Variants in VPS8 observed in about 807,000 individuals in gnomAD.
VPS8 encodes VPS8 subunit of CORVET complex.
VPS8 carries 129 observed loss-of-function variants against 216.4 expected under a neutral mutation model. The observed-to-expected ratio is 0.60, with a 90% CI of 0.52 to 0.69. The LOEUF is 0.69. Ranked by LOEUF, VPS8 falls within the 30% of genes least tolerant of loss-of-function variation. The pLI, the probability that VPS8 is intolerant of heterozygous loss-of-function variation, is 0.00. For synonymous variants in VPS8, 571 were observed against 565.4 expected (o/e 1.01, Z -0.14); for missense variants, 1,531 against 1,683.5 (o/e 0.91, Z 1.59).
chr3:184,922,948 C>CAT (rs146176585), intron 29 of VPS8, among the ~76,000 whole-genome samples: 4,718 of 151,666 alleles, frequency 0.031, 253 homozygotes, highest in African/African-American at 0.11. Context: ...AGGGAATTCT[C>CAT]ATATATATAT....
chr3:184,868,144 ATTTGG>A, intron 18 of VPS8, 85 bp downstream of exon 18: 3 of 1,421,270 alleles, frequency 2.1e-6, no homozygotes, highest in Admixed American at 1.8e-5. Flanking sequence ...GAAGAAGATT[ATTTGG>A]TAAGCTTCTT....
Position 184,832,794 on chromosome 3 carries a change from A to G in VPS8, c.328A>G (p.Ser110Gly). ...YDTSSVASSD[S>G]GDRTNLKRKK... ...TACTTCATCTGTGGCAAGCTCAGAT[A>G]GTGGTGACAGGACCAACTTAAAAAG... Residue 110 changes from serine (S) to glycine (G), a missense_variant, in exon 4 of 48, where the codon AGT becomes GGT. Coordinates refer to ENST00000625842, the MANE Select transcript of VPS8 (RefSeq NM_001009921.3). 6.2e-7 allele frequency: 1 copy of G among 1,610,074 alleles called. No homozygotes were observed. Among genetic ancestry groups the G allele is most frequent in the Non-Finnish European group, 8.5e-7 (1 of 1,177,904 alleles).
intron 46 of VPS8, among the ~76,000 whole-genome samples, chr3:185,031,357 C>T (rs1758144972): frequency 6.6e-6 from 1 of 151,990 alleles, no homozygotes; most frequent in Non-Finnish European, 1.5e-5. Flanking sequence ...AAATGATAGC[C>T]CTTGATCGAT....
At chr3:184,991,581 C>T (rs372751512) in intron 42 of VPS8, among the ~76,000 whole-genome samples, 1 of 152,070 alleles carries the variant, frequency 6.6e-6, no homozygotes, top group African/African-American at 2.4e-5. Context: ...TTCTCCAAAC[C>T]ACCCTTGTCG....
At chr3:184,839,970 A>G (rs1462190445) in intron 7 of VPS8, 7 of 1,218,682 alleles carry the variant, frequency 5.7e-6, no homozygotes, top group Non-Finnish European at 7.4e-6. Context: ...ATGAATTTAT[A>G]AGCTATCATA....
intron 34 of VPS8, among the ~76,000 whole-genome samples, chr3:184,935,912 A>T (rs1481062691): frequency 6.6e-6 from 1 of 152,196 alleles, no homozygotes; most frequent in African/African-American, 2.4e-5. Flanking sequence ...CTCCAGGGTG[A>T]AATGCATTGA....
rs139886169 is a variant in VPS8 at position 185,017,887 on chromosome 3, A to C, written c.4003-6449A>C. Among the ~76,000 whole-genome samples the C allele has an allele frequency of 8.2e-3, 1,231 of 150,688 alleles. 27 individuals carry two copies. The highest frequency in any genetic ancestry group is 0.028 in the African/African-American group (1,138 of 40,060). ...AGGTTCCCATCTTTATCAAACTTAG[A>C]GTGACACTGATTAGCCCAGTGTTTT... On this transcript the variant is annotated intron_variant, in intron 45 of 47. Coordinates refer to ENST00000625842, the MANE Select transcript of VPS8 (RefSeq NM_001009921.3).
intron 46 of VPS8, among the ~76,000 whole-genome samples, chr3:185,029,607 C>T (rs371653422): frequency 1.1e-4 from 16 of 151,702 alleles, no homozygotes; most frequent in South Asian, 4.2e-4. Flanking sequence ...CTCTGTTGCC[C>T]GGCTTGGAGT....
At chr3:184,870,260 G>A (rs2108775421) in intron 20 of VPS8, among the ~76,000 whole-genome samples, 1 of 152,224 alleles carries the variant, frequency 6.6e-6, no homozygotes, top group East Asian at 1.9e-4. Context: ...ACTCTAGACT[G>A]GGCTGAATTA....
At chr3:184,969,946 G>A (rs973116459) in intron 39 of VPS8, among the ~76,000 whole-genome samples, 7 of 117,612 alleles carry the variant, frequency 6.0e-5, no homozygotes, top group South Asian at 2.7e-4. Flanking sequence ...GTCTCACTCC[G>A]TTGCCCAGGC....
chr3:185,020,123 A>G (rs62289501), intron 45 of VPS8, among the ~76,000 whole-genome samples: 6,432 of 152,330 alleles, frequency 0.042, 181 homozygotes, highest in Non-Finnish European at 0.062. Context: ...TGTGTGCCAA[A>G]TATTATATAT....
intron 45 of VPS8, among the ~76,000 whole-genome samples, chr3:185,003,644 G>C (rs1417470479): frequency 6.6e-6 from 1 of 152,050 alleles, no homozygotes; most frequent in Admixed American, 6.6e-5. Flanking sequence ...TTGTCATCAT[G>C]GCCCGTTCTC....
In VPS8 at chr3:185,004,236, G is replaced by A. The variant is rs543388740; in HGVS notation, c.4002+4375G>A. 5.9e-5 allele frequency among the ~76,000 whole-genome samples: 9 copies of A among 152,366 alleles called. No homozygotes were observed. In the East Asian group the frequency reaches 7.7e-4, roughly 13 times the overall value. On this transcript the variant is annotated intron_variant, in intron 45 of 47. Transcript: ENST00000625842. Reference sequence around the variant, plus strand: ...ACTCCGTCTGCAATCCCGGCACCCCGGGAGGCCGAGGCTGGCGGATCACTC... The same window carrying A: ...ACTCCGTCTGCAATCCCGGCACCCCAGGAGGCCGAGGCTGGCGGATCACTC...
At chr3:184,817,269 G>A (rs1716531038) in intron 1 of VPS8, 1 of 147,128 alleles carries the variant, frequency 6.8e-6, no homozygotes, top group South Asian at 2.3e-4. Flanking sequence ...AGGGAGGGAG[G>A]GAGGGAGGAA....
At chr3:185,005,221 C>T (rs896191452) in intron 45 of VPS8, among the ~76,000 whole-genome samples, 5 of 152,144 alleles carry the variant, frequency 3.3e-5, no homozygotes, top group African/African-American at 9.7e-5. Flanking sequence ...CTGCTCTGTT[C>T]CATTGGTCTA....
At chr3:184,993,106 GA>G (rs914082803) in intron 42 of VPS8, among the ~76,000 whole-genome samples, 2 of 148,982 alleles carry the variant, frequency 1.3e-5, no homozygotes, top group Admixed American at 6.7e-5. Context: ...CAAGAGTAGA[GA>G]AAAAAAAAGA....
intron 36 of VPS8, among the ~76,000 whole-genome samples, chr3:184,952,918 T>C (rs1744961906): frequency 6.6e-6 from 1 of 152,232 alleles, no homozygotes; most frequent in East Asian, 1.9e-4. Flanking sequence ...CCTCAGACAG[T>C]TGGCTAAAGG....
At chr3:184,949,888 T>C (rs1218927455) in intron 36 of VPS8, among the ~76,000 whole-genome samples, 1 of 151,524 alleles carries the variant, frequency 6.6e-6, no homozygotes, top group African/African-American at 2.4e-5. Context: ...TTTGTTGTTG[T>C]TGTTGTTGTT....
chr3:184,923,477 C>A (rs1739024769), intron 29 of VPS8, among the ~76,000 whole-genome samples: 2 of 152,180 alleles, frequency 1.3e-5, no homozygotes, highest in African/African-American at 4.8e-5. Context: ...CCTGCAGTCA[C>A]TTGTATCTTG....
Sources: allele counts gnomAD v4.1 joint callset (sites outside exome capture counted in the v4.1 genomes callset), GRCh38; gene constraint gnomAD v4.1.1; transcripts MANE v1.5; gene names NCBI Gene and HGNC (gene_info 2026-07-23, HGNC 2026-07-21).